Variants in RBFOX2 observed in about 807,000 individuals in gnomAD.
RBFOX2 encodes RNA binding fox-1 homolog 2.
In RBFOX2, 10 loss-of-function variants were observed where a neutral mutation model predicts 49.1. The ratio of observed to expected loss-of-function variants is 0.20; its 90% CI spans 0.13 to 0.35. The LOEUF is 0.35. Ranked by LOEUF, RBFOX2 falls within the 10% of genes least tolerant of loss-of-function variation. The probability of loss-of-function intolerance (pLI) is 1.00; values close to 1 mark genes in which losing one functional copy is unlikely to be tolerated. For missense variants in RBFOX2, 323 were observed against 486.9 expected (o/e 0.66, Z 3.17); for synonymous variants, 183 against 187.4 (o/e 0.98, Z 0.19).
chr22:35,889,555 A>C lies in RBFOX2; in HGVS notation c.-34+49292T>G, dbSNP rs894549578. On this transcript the variant is annotated intron_variant, in intron 1 of 13. Coordinates refer to the RBFOX2 transcript ENST00000359369. ...CCTGTCACTCAGACTCTTACACAAC[A>C]ATCACCTAACTTCTCTCTGCACTTT... Among the ~76,000 whole-genome samples, 36 of 152,106 alleles carry C rather than the reference A, an allele frequency of 2.4e-4. 1 individual carries two copies. The highest frequency in any genetic ancestry group is 1.5e-5 in the Non-Finnish European group (1 of 68,020).
chr22:35,883,033 A>G (rs1302839103), intron 1 of RBFOX2, among the ~76,000 whole-genome samples: 1 of 152,242 alleles, frequency 6.6e-6, no homozygotes, highest in Non-Finnish European at 1.5e-5. Flanking sequence ...GAAATCTAGC[A>G]GGGCAAACAC....
intron 1 of RBFOX2, among the ~76,000 whole-genome samples, chr22:35,957,374 C>T (rs1357764265): frequency 6.6e-6 from 1 of 152,146 alleles, no homozygotes; most frequent in Non-Finnish European, 1.5e-5. Flanking sequence ...CTGACTAGTA[C>T]AGGACCACAG....
chr22:35,801,447 A>ACT (rs533761207), intron 2 of RBFOX2, among the ~76,000 whole-genome samples: 252 of 117,832 alleles, frequency 2.1e-3, no homozygotes, highest in African/African-American at 5.5e-3. Context: ...ACACACACAC[A>ACT]CTCTCTCTCT....
At chr22:35,832,080 G>A (rs1457431129) in intron 1 of RBFOX2, among the ~76,000 whole-genome samples, 1 of 152,190 alleles carries the variant, frequency 6.6e-6, no homozygotes, top group African/African-American at 2.4e-5. Flanking sequence ...TATACAAACT[G>A]ACTAAAGCCA....
At position 35,889,016 on chromosome 22, in the gene RBFOX2, G is replaced by A. The variant is rs548008169; in HGVS notation, c.-34+49831C>T. Among the ~76,000 whole-genome samples, 8 of 152,152 alleles carry A rather than the reference G, an allele frequency of 5.3e-5. No homozygotes were observed. The South Asian group carries it at 1.0e-3, about 20-fold the overall frequency. On this transcript the variant is annotated intron_variant, in intron 1 of 13. Coordinates refer to the RBFOX2 transcript ENST00000359369. Reference sequence around the variant, plus strand: ...TTAAAAATACAAAAATTAGCTCGGCGTGGTGTGGGTGCCTGTAATCCCAGC... The same window carrying A: ...TTAAAAATACAAAAATTAGCTCGGCATGGTGTGGGTGCCTGTAATCCCAGC...
At position 35,796,946 on chromosome 22, in the gene RBFOX2, C is replaced by T. The variant is rs538728488; in HGVS notation, c.252+12834G>A. On this transcript the variant is annotated intron_variant, in intron 2 of 11. Coordinates refer to ENST00000405409, the Ensembl canonical transcript of RBFOX2. ...TGGAAAAAAATAGTGTCAGTTTCTT[C>T]CCTTGAAGTGGCAGGCCCACTTCAT... Among the ~76,000 whole-genome samples the T allele has an allele frequency of 3.3e-5, 5 of 152,192 alleles. No homozygotes were observed. In the South Asian group the frequency reaches 1.0e-3, roughly 32 times the overall value.
chr22:35,775,100 TA>T (rs1440879953), intron 4 of RBFOX2, among the ~76,000 whole-genome samples: 12 of 152,100 alleles, frequency 7.9e-5, no homozygotes, highest in African/African-American at 2.7e-4. Context: ...ACCCCAAACA[TA>T]TAAAAGGATT....
At chr22:35,888,230 A>G (rs1419051912) in intron 1 of RBFOX2, among the ~76,000 whole-genome samples, 1 of 152,160 alleles carries the variant, frequency 6.6e-6, no homozygotes. Context: ...GGCCTACTTC[A>G]TCTCTGTAGT....
At position 35,978,447 on chromosome 22, in the gene RBFOX2, T is replaced by C. The variant is rs554068349; in HGVS notation, c.187-39550A>G. On this transcript the variant is annotated intron_variant, in intron 1 of 13. Coordinates refer to the RBFOX2 transcript ENST00000438146. Reference sequence around the variant, plus strand: ...CAGCCTAGAGGCAAGGACACTCTAGTAGCAATATGCATACCCACCACCCAG... The same window carrying C: ...CAGCCTAGAGGCAAGGACACTCTAGCAGCAATATGCATACCCACCACCCAG... Among the ~76,000 whole-genome samples the C allele has an allele frequency of 7.2e-5, 11 of 152,328 alleles. No individual in the cohort carries two copies. In the South Asian group the frequency reaches 2.3e-3, roughly 32 times the overall value.
exon 2 of RBFOX2, chr22:35,809,812 T>A: frequency 1.2e-6 from 2 of 1,614,034 alleles, no homozygotes; most frequent in Non-Finnish European, 1.7e-6. Context: ...CTGGGTGAGT[T>A]GCTGCTCTGC....
chr22:35,929,198 G>T (rs1202234842), intron 1 of RBFOX2, among the ~76,000 whole-genome samples: 3 of 151,634 alleles, frequency 2.0e-5, no homozygotes, highest in Non-Finnish European at 4.4e-5. Flanking sequence ...AACCAGGCTG[G>T]TCTCAAACTC....
intron 1 of RBFOX2, among the ~76,000 whole-genome samples, chr22:35,892,428 A>G (rs780151106): frequency 1.2e-4 from 18 of 152,228 alleles, no homozygotes; most frequent in Admixed American, 6.5e-4. Context: ...CGCACAAGAT[A>G]GCATTCTATC....
intron 1 of RBFOX2, among the ~76,000 whole-genome samples, chr22:36,005,600 T>A (rs1569522037): frequency 6.6e-6 from 1 of 152,180 alleles, no homozygotes; most frequent in Non-Finnish European, 1.5e-5. Context: ...GAATGAAGTG[T>A]CCCATTTTCA....
chr22:35,812,763 C>T (rs1569225428), intron 1 of RBFOX2, among the ~76,000 whole-genome samples: 3 of 152,238 alleles, frequency 2.0e-5, no homozygotes, highest in Non-Finnish European at 4.4e-5. Context: ...GCGACTTTCT[C>T]CTGCTCTGAC....
intron 1 of RBFOX2, among the ~76,000 whole-genome samples, chr22:36,023,161 T>G: frequency 6.6e-6 from 1 of 152,090 alleles, no homozygotes; most frequent in Non-Finnish European, 1.5e-5. Context: ...CAAAGAGACA[T>G]CCACCTATGA....
intron 9 of RBFOX2, among the ~76,000 whole-genome samples, chr22:35,757,785 C>T (rs530817157): frequency 6.6e-6 from 1 of 152,182 alleles, no homozygotes; most frequent in East Asian, 1.9e-4. Context: ...ATCTGCCTCT[C>T]AGCTGCATTT....
chr22:35,879,928 G>A (rs940328574), intron 1 of RBFOX2, among the ~76,000 whole-genome samples: 27 of 152,178 alleles, frequency 1.8e-4, no homozygotes, highest in Admixed American at 3.9e-4. Context: ...GGCCAAGGTC[G>A]GTGGATCACT....
chr22:35,811,912 G>C (rs1489207349), intron 1 of RBFOX2, among the ~76,000 whole-genome samples: 1 of 146,838 alleles, frequency 6.8e-6, no homozygotes, highest in Non-Finnish European at 1.5e-5. Context: ...AGTGAGCCAT[G>C]ATTGCATCAC....
intron 1 of RBFOX2, among the ~76,000 whole-genome samples, chr22:35,884,279 G>C (rs1481204663): frequency 6.6e-6 from 1 of 152,122 alleles, no homozygotes; most frequent in African/African-American, 2.4e-5. Context: ...TTACAGATGT[G>C]AGCCACCACA....
Sources: allele counts gnomAD v4.1 joint callset (sites outside exome capture counted in the v4.1 genomes callset), GRCh38; gene constraint gnomAD v4.1.1; transcripts MANE v1.5; gene names NCBI Gene and HGNC (gene_info 2026-07-23, HGNC 2026-07-21).